The following ATF1 variants were observed in gnomAD, a reference collection of about 807,000 sequenced individuals.
ATF1 encodes the protein activating transcription factor 1, also known as cyclic AMP-dependent transcription factor ATF-1.
ATF1 carries 16 observed loss-of-function variants against 34.7 expected under a neutral mutation model. That is an observed-to-expected ratio of 0.46 (90% confidence interval 0.31 to 0.70). The LOEUF (loss-of-function observed/expected upper bound fraction) is 0.70, where lower values mean the gene tolerates loss of function less well. ATF1 is among the 30% of genes least tolerant of loss of function. The pLI is 0.05. For synonymous variants in ATF1, 105 were observed against 113.1 expected (o/e 0.93, Z 0.46); for missense variants, 255 against 321.6 (o/e 0.79, Z 1.58).
intron 3 of ATF1, among the ~76,000 whole-genome samples, chr12:50,797,894 G>A (rs2139673914): frequency 6.6e-6 from 1 of 152,182 alleles, no homozygotes; most frequent in Admixed American, 6.5e-5. Context: ...ACTACTTAAG[G>A]AGGCTGGGTA....
intron 2 of ATF1, among the ~76,000 whole-genome samples, chr12:50,793,633 CAAA>C (rs10711973): frequency 1.3e-4 from 16 of 118,744 alleles, no homozygotes; most frequent in Non-Finnish European, 1.3e-4. Flanking sequence ...GACTCCATCT[CAAA>C]AAAAAAAAAA....
In ATF1 at chr12:50,817,116, G is replaced by T. The variant is rs114840996; in HGVS notation, c.672-2519G>T. Reference sequence around the variant, plus strand: ...TGGAAATTAGGCCTTATCTTGTACAGTTGACGTGGGTATACTCTGTGACCC... The same window carrying T: ...TGGAAATTAGGCCTTATCTTGTACATTTGACGTGGGTATACTCTGTGACCC... On this transcript the variant is annotated intron_variant, in intron 6 of 6. Transcript: ENST00000262053. 1.1e-3 allele frequency among the ~76,000 whole-genome samples: 166 copies of T among 152,260 alleles called. 1 individual carries two copies. Among genetic ancestry groups the T allele is most frequent in the African/African-American group, 3.6e-3 (150 of 41,556 alleles).
At chr12:50,819,034 T>G (rs183534062) in intron 6 of ATF1, among the ~76,000 whole-genome samples, 19 of 152,042 alleles carry the variant, frequency 1.2e-4, no homozygotes, top group African/African-American at 4.3e-4. Context: ...AAAGAAGTCA[T>G]GTGTCAGAAG....
chr12:50,779,950 A>G (rs3809319), intron 1 of ATF1, among the ~76,000 whole-genome samples, 190 bp from the exon 2 acceptor site: 35,789 of 152,018 alleles, frequency 0.24, 4,970 homozygotes, highest in East Asian at 0.4. Context: ...TATTAAACTT[A>G]AACATGTTTT....
intron 3 of ATF1, among the ~76,000 whole-genome samples, chr12:50,802,356 C>A (rs1341007195): frequency 6.6e-6 from 1 of 152,142 alleles, no homozygotes; most frequent in African/African-American, 2.4e-5. Context: ...GAAACCCCAT[C>A]TCTTCTAAAA....
At chr12:50,812,988 C>T (rs1592202607) in intron 4 of ATF1, among the ~76,000 whole-genome samples, 1 of 151,850 alleles carries the variant, frequency 6.6e-6, no homozygotes, top group East Asian at 1.9e-4. Flanking sequence ...TTCCTGGTAG[C>T]CAAAGCATAA....
At chr12:50,771,251 C>A (rs919329404) in intron 1 of ATF1, among the ~76,000 whole-genome samples, 1 of 152,172 alleles carries the variant, frequency 6.6e-6, no homozygotes, top group African/African-American at 2.4e-5. Flanking sequence ...GGTAATCCAC[C>A]TGCCTCGGCC....
At chr12:50,810,219 C>CTTTT (rs34461103) in intron 4 of ATF1, among the ~76,000 whole-genome samples, 1 of 127,434 alleles carries the variant, frequency 7.8e-6, no homozygotes, top group Non-Finnish European at 1.6e-5. Flanking sequence ...ACATTCCTGG[C>CTTTT]TTTTTTTTTT....
chr12:50,795,995 GC>G lies in ATF1; in HGVS notation c.181del (p.Arg61AlafsTer8). ...AGAAAGCCCACGGGATCCTAGCACGGCGCCCATCTTACAGGTGAGTACTCTC... is the reference window on the plus strand; with the variant it reads ...AGAAAGCCCACGGGATCCTAGCACGGGCCCATCTTACAGGTGAGTACTCTC... ...SQKAHGILAR[R>X]PSYRKILKDL... On this transcript the variant is annotated frameshift_variant, in exon 3 of 7. Transcript: ENST00000262053. LOFTEE classifies it high-confidence loss of function. 1.2e-6 allele frequency: 2 copies of G among 1,611,820 alleles called. No individual in the cohort carries two copies. The highest frequency in any genetic ancestry group is 1.7e-6 in the Non-Finnish European group (2 of 1,179,312).
chr12:50,793,202 A>T (rs892743995), intron 2 of ATF1, among the ~76,000 whole-genome samples: 11 of 152,182 alleles, frequency 7.2e-5, no homozygotes, highest in African/African-American at 2.7e-4. Flanking sequence ...TGGTGCTGTT[A>T]TTAAAGATAA....
At chr12:50,785,280 TACATACAC>T (rs1211704613) in intron 2 of ATF1, among the ~76,000 whole-genome samples, 38 of 86,204 alleles carry the variant, frequency 4.4e-4, no homozygotes, top group African/African-American at 1.6e-3. Flanking sequence ...ATTATATATA[TACATACAC>T]ACACACACAC....
rs771176201 is a variant in ATF1 at position 50,776,493 on chromosome 12, TA to T, written c.-6-3628del. 8.9e-3 allele frequency among the ~76,000 whole-genome samples: 1,035 copies of T among 116,854 alleles called. 4 individuals are homozygous for T. The highest frequency in any genetic ancestry group is 0.02 in the Admixed American group (227 of 11,260). The allele number at this position is 116,854 out of a possible 152,430, so 76.7% of individuals were successfully genotyped here. A position where few individuals can be genotyped will look rare whatever the true frequency, so the allele number is the denominator to read the frequency against. On this transcript the variant is annotated intron_variant, in intron 1 of 6. Coordinates refer to ENST00000262053, the MANE Select transcript of ATF1 (RefSeq NM_005171.5). ...GGGTCACAGAGCAACACCCTGTCTTTAAAAAAAAAAAAAAAAAAAGAAGGAA... is the reference window on the plus strand; with the variant it reads ...GGGTCACAGAGCAACACCCTGTCTTTAAAAAAAAAAAAAAAAAAGAAGGAA...
intron 3 of ATF1, among the ~76,000 whole-genome samples, chr12:50,803,097 CT>C: frequency 6.7e-6 from 1 of 148,754 alleles, no homozygotes; most frequent in Non-Finnish European, 1.5e-5. Flanking sequence ...CCCGTCTCTA[CT>C]AAAAAAAAAA....
intron 4 of ATF1, among the ~76,000 whole-genome samples, chr12:50,812,004 G>A (rs1565919130): frequency 6.6e-6 from 1 of 152,186 alleles, no homozygotes; most frequent in African/African-American, 2.4e-5. Context: ...ACTAAACCAT[G>A]TGTGACTGTT....
intron 1 of ATF1, chr12:50,775,771 C>T (rs995464437): frequency 2.6e-5 from 4 of 152,066 alleles, no homozygotes; most frequent in Non-Finnish European, 5.9e-5. Flanking sequence ...GCTCTGTATT[C>T]TAATTTATGT....
intron 2 of ATF1, among the ~76,000 whole-genome samples, chr12:50,786,484 C>T (rs545068365): frequency 3.3e-5 from 5 of 152,228 alleles, no homozygotes; most frequent in Admixed American, 3.3e-4. Context: ...TCTCCAAGGA[C>T]CTCCAGCAGT....
chr12:50,778,370 C>T (rs894265821), intron 1 of ATF1, among the ~76,000 whole-genome samples: 3 of 150,812 alleles, frequency 2.0e-5, no homozygotes, highest in African/African-American at 7.3e-5. Context: ...GGACTGCAGG[C>T]ACCTGCCCCC....
intron 2 of ATF1, among the ~76,000 whole-genome samples, chr12:50,793,199 G>A (rs1460918692): frequency 6.6e-6 from 1 of 152,080 alleles, no homozygotes; most frequent in Non-Finnish European, 1.5e-5. Context: ...TGCTGGTGCT[G>A]TTATTAAAGA....
intron 3 of ATF1, 43 bp from the exon 4 acceptor site, chr12:50,809,413 T>C (rs1941687573): frequency 6.9e-7 from 1 of 1,440,028 alleles, no homozygotes; most frequent in Non-Finnish European, 9.4e-7. Flanking sequence ...TGTGAAGTCA[T>C]TCACATTACC....
Sources: allele counts gnomAD v4.1 joint callset (sites outside exome capture counted in the v4.1 genomes callset), GRCh38; gene constraint gnomAD v4.1.1; transcripts MANE v1.5; gene names NCBI Gene and HGNC (gene_info 2026-07-23, HGNC 2026-07-21).